PRDM10: variants seen among roughly 807,000 people sequenced by gnomAD.
PRDM10 encodes PR domain zinc finger protein 10.
Under a neutral mutation model 133.1 loss-of-function variants are expected in PRDM10, and 65 were observed. That is an observed-to-expected ratio of 0.49 (90% CI 0.40 to 0.60). PRDM10 has a LOEUF of 0.60. PRDM10 is among the 20% of genes least tolerant of loss of function. The probability of loss-of-function intolerance (pLI) is 0.00; values close to 1 mark genes in which losing one functional copy is unlikely to be tolerated. For missense variants in PRDM10, 1,137 were observed against 1,507.1 expected, an observed-to-expected ratio of 0.75 and a Z score of 4.07; for synonymous variants, 582 against 580.4, an observed-to-expected ratio of 1.00 and a Z score of -0.04.
intron 9 of PRDM10, 113 bp from the exon 10 acceptor site, chr11:129,932,344 C>T: frequency 7.6e-7 from 1 of 1,322,422 alleles, no homozygotes; most frequent in South Asian, 1.6e-5. Flanking sequence ...CACCTTATTA[C>T]TTTCCCAGAT....
chr11:129,912,705 T>A (rs982845898), intron 17 of PRDM10, among the ~76,000 whole-genome samples: 5 of 148,050 alleles, frequency 3.4e-5, no homozygotes, highest in African/African-American at 1.0e-4. Flanking sequence ...TGAGCTGGGA[T>A]TGCACCACTG....
At chr11:129,969,621 C>A (rs1951975327) in intron 1 of PRDM10, among the ~76,000 whole-genome samples, 1 of 150,370 alleles carries the variant, frequency 6.7e-6, no homozygotes, top group Non-Finnish European at 1.5e-5. Context: ...TAGTGAAACC[C>A]CATCTCTACT....
In PRDM10 at chr11:129,901,523, A is replaced by G. The variant is rs924365331; in HGVS notation, c.*790T>C. The G allele has an allele frequency of 2.0e-5, 3 of 152,250 alleles. No individual in the cohort carries two copies. The East Asian group carries it at 5.8e-4, about 29-fold the overall frequency. The allele number at this position is 152,250 out of a possible 1,614,324, so 9.4% of individuals were successfully genotyped here. Reference sequence around the variant, plus strand: ...AATATCTCCTTCTTACCACCACCACAACCACAGAATGGGAGGCAAAGCTTT... The same window carrying G: ...AATATCTCCTTCTTACCACCACCACGACCACAGAATGGGAGGCAAAGCTTT... On this transcript the variant is annotated 3_prime_UTR_variant, in exon 21 of 21. Transcript: ENST00000360871.
chr11:129,937,313 T>G (rs1261169194), intron 8 of PRDM10, among the ~76,000 whole-genome samples: 1 of 152,248 alleles, frequency 6.6e-6, no homozygotes, highest in East Asian at 1.9e-4. Flanking sequence ...TGGTATATCC[T>G]CAGAGATGAT....
intron 1 of PRDM10, among the ~76,000 whole-genome samples, chr11:129,962,194 C>T (rs951945083): frequency 1.3e-5 from 2 of 152,158 alleles, no homozygotes; most frequent in Admixed American, 1.3e-4. Flanking sequence ...CTTCCCAAAA[C>T]AGGCTTTTTA....
At position 129,944,777 on chromosome 11, in the gene PRDM10, G is replaced by A. The variant is rs1330787720; in HGVS notation, c.756C>T (p.His252=). The change falls in exon 6 of 21, where the codon CAC becomes CAT. Residue 252 remains histidine (H), a synonymous_variant. Coordinates refer to ENST00000360871, the MANE Select transcript of PRDM10 (RefSeq NM_199437.2). ...RGSELKDCYI[H]LKVSLDKGDR... The stretch of plus-strand genomic sequence containing the variant: ...GTGATAGAGCATAAATTACCTTGAG[G>A]TGAATGTAACAGTCTTTCAGCTCCG... 1.9e-6 allele frequency: 3 copies of A among 1,613,654 alleles called. No homozygotes were observed. Among genetic ancestry groups the A allele is most frequent in the African/African-American group, 1.3e-5 (1 of 74,888 alleles).
At chr11:129,969,488 T>C (rs1591674525) in intron 1 of PRDM10, among the ~76,000 whole-genome samples, 1 of 152,112 alleles carries the variant, frequency 6.6e-6, no homozygotes, top group East Asian at 1.9e-4. Context: ...GAACTAAGAA[T>C]ATTAGATATT....
chr11:129,916,796 T>C (rs1950372219), intron 15 of PRDM10, among the ~76,000 whole-genome samples: 1 of 152,204 alleles, frequency 6.6e-6, no homozygotes, highest in African/African-American at 2.4e-5. Flanking sequence ...ATATATGTTA[T>C]AGGTCATGAT....
chr11:129,978,915 G>A (rs916595509), intron 1 of PRDM10, among the ~76,000 whole-genome samples: 3 of 152,124 alleles, frequency 2.0e-5, no homozygotes, highest in Non-Finnish European at 2.9e-5. Context: ...GTTTGTTAGC[G>A]ATGCATCAGG....
At chr11:129,913,036 G>A (rs543762151) in intron 17 of PRDM10, among the ~76,000 whole-genome samples, 3 of 147,538 alleles carry the variant, frequency 2.0e-5, no homozygotes, top group Non-Finnish European at 3.0e-5. Flanking sequence ...CTCTAGCCCG[G>A]GCAACAGAGC....
chr11:129,905,621 C>G lies in PRDM10; in HGVS notation c.3267+17G>C, dbSNP rs145241906. On this transcript the variant is annotated intron_variant, in intron 20 of 20. Transcript: ENST00000360871. ...ACAGGTTGGACAGGAAAAACCCGAC[C>G]GAGTAGCGTAGCTTACCGAAGTAAC... 3 of 1,602,636 alleles carry G rather than the reference C, an allele frequency of 1.9e-6. No homozygotes were observed. Among genetic ancestry groups the G allele is most frequent in the African/African-American group, 1.3e-5 (1 of 74,700 alleles).
chr11:129,962,893 A>G (rs1951823870), intron 1 of PRDM10, among the ~76,000 whole-genome samples: 15 of 152,210 alleles, frequency 9.9e-5, no homozygotes, highest in Admixed American at 9.8e-4. Context: ...TCACACCTGT[A>G]ATCCCAGCAC....
intron 13 of PRDM10, among the ~76,000 whole-genome samples, chr11:129,919,499 T>C (rs1950459078): frequency 6.6e-6 from 1 of 152,226 alleles, no homozygotes; most frequent in African/African-American, 2.4e-5. Context: ...GAATTAGAAG[T>C]TCAAGTAAAC....
intron 4 of PRDM10, among the ~76,000 whole-genome samples, chr11:129,950,362 G>A (rs760565695): frequency 6.6e-6 from 1 of 152,148 alleles, no homozygotes; most frequent in Non-Finnish European, 1.5e-5. Flanking sequence ...AGATCAAACC[G>A]GTTATCTCAA....
At chr11:129,988,664 CTG>C (rs1938558940) in intron 1 of PRDM10, among the ~76,000 whole-genome samples, 1 of 151,618 alleles carries the variant, frequency 6.6e-6, no homozygotes, top group African/African-American at 2.4e-5. Context: ...GAATCTCGCT[CTG>C]TTGCCTGGGC....
chr11:129,963,266 G>A lies in PRDM10; in HGVS notation c.-118-2184C>T, dbSNP rs114615373. Among the ~76,000 whole-genome samples the A allele has an allele frequency of 3.0e-3, 457 of 152,152 alleles. 3 individuals are homozygous for A. Among genetic ancestry groups the A allele is most frequent in the African/African-American group, 0.01 (433 of 41,510 alleles). The stretch of plus-strand genomic sequence containing the variant: ...CTCAGTAATTACAAAATCAGAGCCC[G>A]GCGTGGTGGCACACACCTGTGGTCC... On this transcript the variant is annotated intron_variant, in intron 1 of 20. Coordinates refer to ENST00000360871, the MANE Select transcript of PRDM10 (RefSeq NM_199437.2).
Position 129,988,812 on chromosome 11 carries a change from A to G in PRDM10, c.-119+13910T>C, listed in dbSNP as rs995228187. On this transcript the variant is annotated intron_variant, in intron 1 of 20. Transcript: ENST00000360871. Reference sequence around the variant, plus strand: ...ACCCAGCTAATTTTTCGTATTTTTAACAGAGACGGGGTTTCACCGTGTTAG... The same window carrying G: ...ACCCAGCTAATTTTTCGTATTTTTAGCAGAGACGGGGTTTCACCGTGTTAG... Among the ~76,000 whole-genome samples the G allele has an allele frequency of 8.6e-5, 13 of 151,356 alleles. No homozygotes were observed. In the South Asian group the frequency reaches 1.3e-3, roughly 15 times the overall value.
At chr11:129,965,677 G>A (rs1018115238) in intron 1 of PRDM10, among the ~76,000 whole-genome samples, 1 of 151,660 alleles carries the variant, frequency 6.6e-6, no homozygotes, top group Non-Finnish European at 1.5e-5. Flanking sequence ...TATTCAACAA[G>A]TATTTATTAG....
At position 129,925,168 on chromosome 11, in the gene PRDM10, C is replaced by A; in HGVS notation, c.1592G>T (p.Cys531Phe). 6.2e-7 allele frequency: 1 copy of A among 1,614,090 alleles called. No individual in the cohort carries two copies. The highest frequency in any genetic ancestry group is 8.5e-7 in the Non-Finnish European group (1 of 1,180,004). ...KSFRPFKCLQCGKAFREKDKL... is the reference protein window; with the variant it reads ...KSFRPFKCLQFGKAFREKDKL... ...GTCCTTTTCCCGGAAGGCCTTCCCA[C>A]ACTGCAAGCATTTAAAAGGCCGGAA... The change falls in exon 12 of 21, where the codon TGT becomes TTT. Residue 531 changes from cysteine to phenylalanine, a missense_variant. Transcript: ENST00000360871.
Sources: allele counts gnomAD v4.1 joint callset (sites outside exome capture counted in the v4.1 genomes callset), GRCh38; gene constraint gnomAD v4.1.1; transcripts MANE v1.5; gene names NCBI Gene and HGNC (gene_info 2026-07-23, HGNC 2026-07-21).